TCF3: variants seen among roughly 807,000 people sequenced by gnomAD.
The protein encoded by TCF3 is transcription factor E2-alpha.
Under a neutral mutation model 72.3 loss-of-function variants are expected in TCF3, and 54 were observed. That is an observed-to-expected ratio of 0.75 (90% CI 0.60 to 0.94). The LOEUF (loss-of-function observed/expected upper bound fraction) is 0.94, where lower values mean the gene tolerates loss of function less well. TCF3 is among the 40% of genes least tolerant of loss of function. The probability of loss-of-function intolerance (pLI) is 0.00; values close to 1 mark genes in which losing one functional copy is unlikely to be tolerated. For synonymous variants in TCF3, 525 were observed against 412.6 expected (o/e 1.27, Z -3.30); for missense variants, 1,078 against 934.4 (o/e 1.15, Z -2.00).
At chr19:1,645,989 A>G (rs937646121) in intron 3 of TCF3, among the ~76,000 whole-genome samples, 7 of 152,116 alleles carry the variant, frequency 4.6e-5, no homozygotes, top group Admixed American at 6.5e-5. Flanking sequence ...CGCCCTCTCC[A>G]GAGCCTCAGT....
intron 7 of TCF3, 70 bp from the exon 8 acceptor site, chr19:1,624,070 G>A (rs933057462): frequency 1.2e-5 from 18 of 1,491,742 alleles, no homozygotes; most frequent in African/African-American, 4.2e-5. Context: ...CACCCTGGAG[G>A]AGAGACCCTC....
Position 1,619,363 on chromosome 19 carries a change from A to G in TCF3, c.1279T>C (p.Ser427Pro), listed in dbSNP as rs2061901482. The G allele has an allele frequency of 1.3e-6, 2 of 1,587,102 alleles. No homozygotes were observed. The highest frequency in any genetic ancestry group is 2.7e-5 in the African/African-American group (2 of 74,616). ...TLLPGHGALA[S>P]GFTGPMSLGG... The stretch of plus-strand genomic sequence containing the variant: ...AGTGACATGGGGCCGGTGAAACCTG[A>G]GGCCAGCGCCCCGTGGCCAGGCAGC... Residue 427 changes from serine to proline, a missense_variant, in exon 15 of 19, where the codon TCA becomes CCA. By Grantham distance (74) the Ser-to-Pro change is moderately conservative. Transcript: ENST00000262965.
chr19:1,613,336 C>T (rs1397896729), intron 18 of TCF3, among the ~76,000 whole-genome samples: 3 of 152,136 alleles, frequency 2.0e-5, no homozygotes, highest in Admixed American at 6.5e-5. Context: ...CCCAGGAAGA[C>T]CCAAGGTCTG....
rs538315958 is a variant in TCF3 at position 1,619,941 on chromosome 19, C to T, written c.1094-88G>A. On this transcript the variant is annotated intron_variant, in intron 13 of 18. Coordinates refer to ENST00000262965, the MANE Select transcript of TCF3 (RefSeq NM_003200.5). ...CATGGGGAGGGATTCATGAACCACC[C>T]CGCCTGTCCAGCCTCCGGTGATGCC... The T allele has an allele frequency of 3.0e-5, 36 of 1,195,830 alleles. No individual in the cohort carries two copies. In the African/African-American group the frequency reaches 4.2e-4, roughly 14 times the overall value. The allele number at this position is 1,195,830 out of a possible 1,614,324, so 74.1% of individuals were successfully genotyped here. A position where few individuals can be genotyped will look rare whatever the true frequency, so the allele number is the denominator to read the frequency against.
Position 1,650,159 on chromosome 19 carries a change from GC to G in TCF3, c.72+17del. On this transcript the variant is annotated intron_variant, in intron 2 of 18. Coordinates refer to ENST00000262965, the MANE Select transcript of TCF3 (RefSeq NM_003200.5). ...GAGGCAAAGGGGTGTCGGGGGCTGG[GC>G]GGGGGTCCTGGCTCACCATGCTGAA... 1 of 1,558,700 alleles carries G rather than the reference GC, an allele frequency of 6.4e-7. No individual in the cohort carries two copies. Among genetic ancestry groups the G allele is most frequent in the Non-Finnish European group, 8.7e-7 (1 of 1,152,686 alleles).
intron 3 of TCF3, among the ~76,000 whole-genome samples, chr19:1,636,473 T>A (rs570709143): frequency 1.6e-4 from 25 of 152,176 alleles, no homozygotes; most frequent in Middle Eastern, 3.4e-3. Flanking sequence ...TTTAAAAAAA[T>A]TTTTTTGTAG....
At chr19:1,651,084 C>G in intron 1 of TCF3, 1 of 232,474 alleles carries the variant, frequency 4.3e-6, no homozygotes, top group African/African-American at 2.2e-5. Flanking sequence ...GTCTCAAGAC[C>G]AGGGTGCTCC....
chr19:1,619,611 G>A, intron 14 of TCF3, 137 bp from the exon 15 acceptor site: 3 of 1,356,664 alleles, frequency 2.2e-6, no homozygotes, highest in South Asian at 1.5e-5. Context: ...CCAGGCATCT[G>A]GCGCCCGGGA....
At position 1,652,384 on chromosome 19, in the gene TCF3, G is replaced by C. The variant is rs1380835963; in HGVS notation, c.-124C>G. ...GCCCCCCCCCGGACAAAGGTGCGTC[G>C]CGGCCGGGCCCCCGAGGGTCGCGCG... On this transcript the variant is annotated 5_prime_UTR_variant, in exon 1 of 19. Transcript: ENST00000262965. 1 of 140,408 alleles carries C rather than the reference G, an allele frequency of 7.1e-6. No homozygotes were observed. The highest frequency in any genetic ancestry group is 1.6e-5 in the Non-Finnish European group (1 of 63,680). The allele number at this position is 140,408 out of a possible 1,614,324, so 8.7% of individuals were successfully genotyped here.
At position 1,615,833 on chromosome 19, in the gene TCF3, C is replaced by CTAG. The variant is rs1294452609; in HGVS notation, c.1451-15_1451-13dup. ...TGCTCGCCCTAGCCCTGCAACAGGC[C>CTAG]TAGGGTCAGGGGCCTGCGTCGGCCT... On this transcript the variant is annotated splice_polypyrimidine_tract_variant and intron_variant, in intron 16 of 18. Coordinates refer to ENST00000262965, the MANE Select transcript of TCF3 (RefSeq NM_003200.5). The surrounding 1 kb of genome is among the most constrained non-coding windows in gnomAD (Gnocchi z 7.3). 1 of 1,539,578 alleles carries CTAG rather than the reference C, an allele frequency of 6.5e-7. No homozygotes were observed. Among genetic ancestry groups the CTAG allele is most frequent in the South Asian group, 1.3e-5 (1 of 79,670 alleles).
chr19:1,622,479 C>G (rs2062364706), intron 8 of TCF3, 64 bp from the exon 9 acceptor site: 1 of 917,122 alleles, frequency 1.1e-6, no homozygotes, highest in African/African-American at 1.7e-5. Context: ...GCCCATGCAC[C>G]TTGCCGGCCT....
intron 3 of TCF3, among the ~76,000 whole-genome samples, chr19:1,633,743 G>A (rs1407682957): frequency 6.6e-6 from 1 of 152,190 alleles, no homozygotes; most frequent in Non-Finnish European, 1.5e-5. Context: ...GTGGTCTCCA[G>A]GAATCCACAC....
chr19:1,612,103 C>G, intron 18 of TCF3: 5 of 1,212,888 alleles, frequency 4.1e-6, no homozygotes, highest in Non-Finnish European at 5.6e-6. Flanking sequence ...CAAAGACAGA[C>G]ATGGACAGAG....
chr19:1,617,908 T>A (rs1046804902), intron 16 of TCF3, among the ~76,000 whole-genome samples: 2 of 152,156 alleles, frequency 1.3e-5, no homozygotes, highest in African/African-American at 4.8e-5. Context: ...CATCACCCAG[T>A]GTCCCCTGGG....
chr19:1,627,350 G>C lies in TCF3; in HGVS notation c.366+9C>G, dbSNP rs771404643. The C allele has an allele frequency of 1.6e-5, 25 of 1,607,278 alleles. No homozygotes were observed. Among genetic ancestry groups the C allele is most frequent in the Non-Finnish European group, 2.1e-5 (25 of 1,177,516 alleles). ...CAAAATACACCCCAGCCCGGCCCGA[G>C]CCCCTCACCTGAGTCAGGCCGCCCA... On this transcript the variant is annotated intron_variant, in intron 6 of 18. Transcript: ENST00000262965.
At chr19:1,625,798 A>G (rs1306827110) in intron 6 of TCF3, 90 bp from the exon 7 acceptor site, 4 of 1,395,798 alleles carry the variant, frequency 2.9e-6, no homozygotes, top group East Asian at 3.1e-5. Context: ...GGCCGAAGCC[A>G]CTCAGACCCG....
chr19:1,624,705 GCA>G (rs944844027), intron 7 of TCF3, among the ~76,000 whole-genome samples: 14 of 152,200 alleles, frequency 9.2e-5, no homozygotes, highest in African/African-American at 3.1e-4. Flanking sequence ...ACGGACGTGC[GCA>G]CAGTGGGAAA....
chr19:1,640,694 A>G (rs965076820), intron 3 of TCF3, among the ~76,000 whole-genome samples: 1 of 152,030 alleles, frequency 6.6e-6, no homozygotes. Flanking sequence ...AGTCCCAGCT[A>G]CTAGGGAGGC....
chr19:1,623,879 G>C, intron 8 of TCF3, 72 bp downstream of exon 8: 1 of 1,514,308 alleles, frequency 6.6e-7, no homozygotes. Context: ...GTGTTCCCAA[G>C]CTTCGCCAGG....
Sources: gnomAD v4.1 joint callset for allele counts (sites outside exome capture counted in the v4.1 genomes callset) on GRCh38, gnomAD v4.1.1 for gene constraint, Gnocchi (gnomAD v3.1) non-coding constraint, MANE v1.5 for transcripts, NCBI Gene and HGNC (gene_info 2026-07-23, HGNC 2026-07-21) for gene names.